The following VCL variants were observed in gnomAD, a reference collection of about 807,000 sequenced individuals.
VCL encodes the protein epididymis luminal protein 114.
In VCL, 47 loss-of-function variants were observed where a neutral mutation model predicts 125.7. The observed-to-expected ratio is 0.37, with a 90% CI of 0.30 to 0.48. VCL has a LOEUF of 0.48. Ranked by LOEUF, VCL falls within the 20% of genes least tolerant of loss-of-function variation. The pLI, the probability that VCL is intolerant of heterozygous loss-of-function variation, is 0.99. For missense variants in VCL, 1,069 were observed against 1,455.5 expected, an observed-to-expected ratio of 0.73 and a Z score of 4.32; for synonymous variants, 458 against 514.6, an observed-to-expected ratio of 0.89 and a Z score of 1.49.
intron 7 of VCL, 103 bp downstream of exon 7, chr10:74,082,647 A>C (rs553376798): frequency 8.2e-7 from 1 of 1,213,874 alleles, no homozygotes; most frequent in African/African-American, 1.5e-5. Flanking sequence ...TGAGAGAACT[A>C]CTGTAACATT....
At chr10:74,104,005 G>T (rs1840096233) in intron 15 of VCL, 77 bp downstream of exon 15, 2 of 1,410,186 alleles carry the variant, frequency 1.4e-6, no homozygotes, top group Non-Finnish European at 1.0e-6. Flanking sequence ...GACTGGTTCT[G>T]TTACTCAGCT....
At chr10:74,026,959 C>T (rs1387343483) in intron 1 of VCL, among the ~76,000 whole-genome samples, 1 of 152,158 alleles carries the variant, frequency 6.6e-6, no homozygotes. Flanking sequence ...GACAATGTTA[C>T]ATGGTTACAT....
At chr10:74,080,402 T>A (rs962963775) in intron 6 of VCL, among the ~76,000 whole-genome samples, 2 of 152,178 alleles carry the variant, frequency 1.3e-5, no homozygotes, top group African/African-American at 4.8e-5. Context: ...AGTTCCTGTT[T>A]CTTAATTTGT....
chr10:74,062,316 C>T (rs10824065), intron 2 of VCL, among the ~76,000 whole-genome samples: 50,827 of 150,462 alleles, frequency 0.34, 10,292 homozygotes, highest in Non-Finnish European at 0.46. Flanking sequence ...CCTCCTGCCT[C>T]AGCCTCCCAA....
intron 2 of VCL, among the ~76,000 whole-genome samples, chr10:74,049,364 T>C (rs1841255521): frequency 1.3e-5 from 2 of 152,166 alleles, no homozygotes; most frequent in Non-Finnish European, 2.9e-5. Flanking sequence ...TTTCTATATA[T>C]GATGGCAGAG....
At chr10:74,021,014 C>G (rs539738911) in intron 1 of VCL, among the ~76,000 whole-genome samples, 5 of 152,096 alleles carry the variant, frequency 3.3e-5, no homozygotes, top group African/African-American at 1.2e-4. Flanking sequence ...TGCTTTTACC[C>G]TAACAATGAA....
At chr10:74,106,201 C>T (rs1199539455) in intron 16 of VCL, among the ~76,000 whole-genome samples, 1 of 152,182 alleles carries the variant, frequency 6.6e-6, no homozygotes, top group Non-Finnish European at 1.5e-5. Flanking sequence ...GGATTACAGG[C>T]ATCCAGCCTG....
At chr10:74,070,908 A>G in intron 3 of VCL, 67 bp from the exon 4 acceptor site, 9 of 1,611,492 alleles carry the variant, frequency 5.6e-6, no homozygotes, top group Non-Finnish European at 7.6e-6. Context: ...TGAATGCTGC[A>G]CATCTGTGTT....
chr10:74,049,339 A>C (rs1841255006), intron 2 of VCL, among the ~76,000 whole-genome samples: 1 of 152,192 alleles, frequency 6.6e-6, no homozygotes, highest in Non-Finnish European at 1.5e-5. Context: ...ATATGCCATA[A>C]ACTTGAGTTT....
chr10:74,029,040 A>G (rs1443131481), intron 1 of VCL, among the ~76,000 whole-genome samples: 2 of 151,788 alleles, frequency 1.3e-5, no homozygotes, highest in Non-Finnish European at 2.9e-5. Context: ...GTTGGTCTCA[A>G]ACTCTTGGCC....
intron 1 of VCL, among the ~76,000 whole-genome samples, chr10:73,999,936 T>C (rs1398072760): frequency 6.6e-6 from 1 of 152,240 alleles, no homozygotes; most frequent in African/African-American, 2.4e-5. Context: ...GGCCTCCATT[T>C]TTCAACAAAT....
chr10:74,060,175 T>C (rs1008313748), intron 2 of VCL, among the ~76,000 whole-genome samples: 7 of 152,200 alleles, frequency 4.6e-5, no homozygotes, highest in African/African-American at 1.7e-4. Context: ...CATGGTGGCA[T>C]GTGCCTTTGG....
At chr10:74,012,911 T>C (rs1159255742) in intron 1 of VCL, among the ~76,000 whole-genome samples, 1 of 152,156 alleles carries the variant, frequency 6.6e-6, no homozygotes, top group Non-Finnish European at 1.5e-5. Flanking sequence ...CTAAGCTAGG[T>C]TAGGCCCTTC....
rs752698049 is a variant in VCL, at chr10:74,015,626, C to A, written c.168+17251C>A. Among the ~76,000 whole-genome samples, 106 of 151,956 alleles carry A rather than the reference C, an allele frequency of 7.0e-4. 2 individuals carry two copies. Among genetic ancestry groups the A allele is most frequent in the Admixed American group, 9.2e-4 (14 of 15,272 alleles). On this transcript the variant is annotated intron_variant, in intron 1 of 21. Transcript: ENST00000211998. Reference sequence around the variant, plus strand: ...TTCTTGTGTAGTAGTTTCTAATATGCCATTTAATCCATTCACTGCATTTTT... The same window carrying A: ...TTCTTGTGTAGTAGTTTCTAATATGACATTTAATCCATTCACTGCATTTTT...
chr10:74,028,918 A>T (rs888078433), intron 1 of VCL, among the ~76,000 whole-genome samples: 1 of 152,066 alleles, frequency 6.6e-6, no homozygotes, highest in African/African-American at 2.4e-5. Context: ...TCATGCCTGT[A>T]ATCCCAGCAT....
Position 74,071,087 on chromosome 10 carries a change from A to G in VCL, c.499+4A>G, listed in dbSNP as rs1841656970. 1.2e-6 allele frequency: 2 copies of G among 1,613,034 alleles called. No homozygotes were observed. Among genetic ancestry groups the G allele is most frequent in the African/African-American group, 2.7e-5 (2 of 74,908 alleles). ...TACACAAAGAATCTTGGGCCAGGTTAGTTTTATCCAATTTCTATAACATTT... is the reference window on the plus strand; with the variant it reads ...TACACAAAGAATCTTGGGCCAGGTTGGTTTTATCCAATTTCTATAACATTT... On this transcript the variant is annotated splice_donor_region_variant and intron_variant, in intron 4 of 21. Coordinates refer to ENST00000211998, the MANE Select transcript of VCL (RefSeq NM_014000.3). The surrounding 1 kb of genome is among the most constrained non-coding windows in gnomAD (Gnocchi z 4.1).
intron 1 of VCL, among the ~76,000 whole-genome samples, chr10:74,012,627 C>T (rs1358895231): frequency 6.6e-6 from 1 of 152,030 alleles, no homozygotes; most frequent in Non-Finnish European, 1.5e-5. Context: ...ACACAGTAGG[C>T]CAGCAGCAGA....
Position 74,072,789 on chromosome 10 carries a change from C to T in VCL, c.559C>T (p.His187Tyr). ...ACAGCAGGAGCTCACTCACCAGGAG[C>T]ACCGAGTGATGTTGGTGAACTCGAT... ...ERQQELTHQE[H>Y]RVMLVNSMNT... Residue 187 changes from histidine to tyrosine, a missense_variant, in exon 5 of 22, where the codon CAC becomes TAC. Coordinates refer to ENST00000211998, the MANE Select transcript of VCL (RefSeq NM_014000.3). 6.2e-7 allele frequency: 1 copy of T among 1,614,106 alleles called. No homozygotes were observed. The highest frequency in any genetic ancestry group is 8.5e-7 in the Non-Finnish European group (1 of 1,180,014).
chr10:74,027,456 T>C (rs1840793451), intron 1 of VCL, among the ~76,000 whole-genome samples: 1 of 150,972 alleles, frequency 6.6e-6, no homozygotes. Context: ...AGGTCAGGAG[T>C]TCAAGACTAG....
Sources: allele counts gnomAD v4.1 joint callset (sites outside exome capture counted in the v4.1 genomes callset), GRCh38; gene constraint gnomAD v4.1.1; non-coding constraint Gnocchi (gnomAD v3.1); transcripts MANE v1.5; gene names NCBI Gene and HGNC (gene_info 2026-07-23, HGNC 2026-07-21).